The following TNC variants were observed in gnomAD, a reference collection of about 807,000 sequenced individuals.
The protein encoded by TNC is tenascin.
A neutral mutation model predicts 202.4 loss-of-function variants in TNC; 109 were observed. That is an observed-to-expected ratio of 0.54 (90% CI 0.46 to 0.63). The LOEUF (loss-of-function observed/expected upper bound fraction) is 0.63. TNC is among the 30% of genes least tolerant of loss of function. The pLI is 0.00. For missense variants in TNC, 2,756 were observed against 2,833.3 expected (o/e 0.97, Z 0.62); for synonymous variants, 1,007 against 1,089.7 (o/e 0.92, Z 1.50).
intron 15 of TNC, among the ~76,000 whole-genome samples, chr9:115,051,945 T>C (rs1831705590): frequency 6.6e-6 from 1 of 152,010 alleles, no homozygotes; most frequent in Non-Finnish European, 1.5e-5. Flanking sequence ...GAAGTTTACA[T>C]ATATTATCTT....
Position 115,091,070 on chromosome 9 carries a change from T to C in TNC, c.-52A>G. 1 of 1,470,170 alleles carries C rather than the reference T, an allele frequency of 6.8e-7. No individual in the cohort carries two copies. The highest frequency in any genetic ancestry group is 9.3e-7 in the Non-Finnish European group (1 of 1,070,812). 91.1% of individuals were successfully genotyped at this position (1,470,170 alleles called of 1,614,324 possible). The stretch of plus-strand genomic sequence containing the variant: ...GCTGGGGCTCTAGGGCTCTAGGGTA[T>C]CTCACTTTCAGCAGAATTGGGGATT... On this transcript the variant is annotated 5_prime_UTR_variant, in exon 2 of 28. Coordinates refer to ENST00000350763, the MANE Select transcript of TNC (RefSeq NM_002160.4).
rs958971198 is a variant in TNC at position 115,041,309 on chromosome 9, C to CGGG, written c.5249-228_5249-226dup. On this transcript the variant is annotated intron_variant, in intron 18 of 27. Transcript: ENST00000350763. The stretch of plus-strand genomic sequence containing the variant: ...ATGCCAAAAACAAAGCCAGGAGGGG[C>CGGG]GGGGGAAAACATGAAGTCACAACGT... Among the ~76,000 whole-genome samples the CGGG allele has an allele frequency of 1.5e-4, 20 of 132,386 alleles. No individual in the cohort carries two copies. In the East Asian group the frequency reaches 2.2e-3, roughly 15 times the overall value. The allele number at this position is 132,386 out of a possible 152,430, so 86.9% of individuals were successfully genotyped here.
chr9:115,091,400 A>G (rs1466983299), intron 1 of TNC, among the ~76,000 whole-genome samples: 2 of 152,334 alleles, frequency 1.3e-5, no homozygotes, highest in East Asian at 3.9e-4. Flanking sequence ...GAAAAAGGTA[A>G]AATATTGAAA....
intron 17 of TNC, among the ~76,000 whole-genome samples, chr9:115,044,264 A>G (rs1006077532): frequency 4.5e-4 from 40 of 88,612 alleles, no homozygotes; most frequent in African/African-American, 1.7e-3. Flanking sequence ...GAAAGGATTA[A>G]AAAAAAAAAA....
At chr9:115,088,311 A>C (rs1432058578) in intron 2 of TNC, among the ~76,000 whole-genome samples, 1 of 152,200 alleles carries the variant, frequency 6.6e-6, no homozygotes, top group Non-Finnish European at 1.5e-5. Flanking sequence ...GTGGGTTTAT[A>C]TAACCAAAAC....
chr9:115,053,534 TG>T (rs1196149116), intron 15 of TNC, among the ~76,000 whole-genome samples: 5 of 152,272 alleles, frequency 3.3e-5, no homozygotes, highest in Non-Finnish European at 7.3e-5. Flanking sequence ...TGTTTAATTT[TG>T]TTTGGCCCAA....
Position 115,029,429 on chromosome 9 carries a change from C to A in TNC, c.6100G>T (p.Glu2034Ter). Reference sequence around the variant, plus strand: ...GCCTTCCAGTTTTGGTAGAAGTTCTCGCGTCCGTTTTTGCGTCTCAGGAAC... The same window carrying A: ...GCCTTCCAGTTTTGGTAGAAGTTCTAGCGTCCGTTTTTGCGTCTCAGGAAC... ...IVFLRRKNGRENFYQNWKAYA... is the reference protein window; with the variant it reads ...IVFLRRKNGR The change falls in exon 25 of 28, where the codon GAG becomes TAG. Residue 2034 changes from glutamate (E) to a stop codon, truncating the protein, a stop_gained. Coordinates refer to ENST00000350763, the MANE Select transcript of TNC (RefSeq NM_002160.4). LOFTEE classifies it high-confidence loss of function. 1 of 1,614,088 alleles carries A rather than the reference C, an allele frequency of 6.2e-7. No individual in the cohort carries two copies. Among genetic ancestry groups the A allele is most frequent in the Non-Finnish European group, 8.5e-7 (1 of 1,180,002 alleles).
At chr9:115,031,101 T>C (rs1414179642) in intron 23 of TNC, among the ~76,000 whole-genome samples, 1 of 152,210 alleles carries the variant, frequency 6.6e-6, no homozygotes, top group Non-Finnish European at 1.5e-5. Context: ...TTGTAAACAC[T>C]GGCATGATGA....
intron 6 of TNC, among the ~76,000 whole-genome samples, chr9:115,080,633 G>A (rs1834233087): frequency 6.6e-6 from 1 of 152,178 alleles, no homozygotes; most frequent in African/African-American, 2.4e-5. Context: ...AATTGCAGCT[G>A]TGCACGGTGG....
Position 115,026,674 on chromosome 9 carries a change from ATTTTG to A in TNC, c.6186_6190del (p.Lys2063HisfsTer24), listed in dbSNP as rs1442548061. On this transcript the variant is annotated frameshift_variant, in exon 26 of 28. Coordinates refer to ENST00000350763, the MANE Select transcript of TNC (RefSeq NM_002160.4). LOFTEE classifies it high-confidence loss of function. ...GAGCTCGTACTGCCCCTGGGCTGTGATTTTGTTCAGGTTGTCCAGCCCTGTGGATG... is the reference window on the plus strand; with the variant it reads ...GAGCTCGTACTGCCCCTGGGCTGTGATTCAGGTTGTCCAGCCCTGTGGATG... The A allele has an allele frequency of 1.2e-6, 2 of 1,613,786 alleles. No individual in the cohort carries two copies. Among genetic ancestry groups the A allele is most frequent in the Non-Finnish European group, 1.7e-6 (2 of 1,179,928 alleles).
At chr9:115,117,241 C>G (rs1415189447) in intron 1 of TNC, among the ~76,000 whole-genome samples, 1 of 152,104 alleles carries the variant, frequency 6.6e-6, no homozygotes, top group East Asian at 1.9e-4. Flanking sequence ...CCAAAGTACA[C>G]CAGGGGCAGC....
intron 1 of TNC, among the ~76,000 whole-genome samples, chr9:115,101,121 GAGT>G (rs1402753415): frequency 2.6e-5 from 4 of 152,102 alleles, no homozygotes; most frequent in Admixed American, 2.0e-4. Context: ...GCCAAGCCCT[GAGT>G]TAAGTATAAA....
chr9:115,092,466 A>G (rs1835302255), intron 1 of TNC, among the ~76,000 whole-genome samples: 2 of 152,248 alleles, frequency 1.3e-5, no homozygotes, highest in Non-Finnish European at 2.9e-5. Flanking sequence ...AAACAATGCT[A>G]TGGAGGCATG....
At chr9:115,103,457 C>T (rs1836387714) in intron 1 of TNC, among the ~76,000 whole-genome samples, 1 of 151,956 alleles carries the variant, frequency 6.6e-6, no homozygotes, top group Admixed American at 6.6e-5. Context: ...GATACTTGGC[C>T]TCTTATGAGG....
At chr9:115,041,929 A>G (rs1470004935) in intron 18 of TNC, among the ~76,000 whole-genome samples, 1 of 152,254 alleles carries the variant, frequency 6.6e-6, no homozygotes, top group Non-Finnish European at 1.5e-5. Flanking sequence ...CAATATATTT[A>G]GAATCTTTTG....
intron 1 of TNC, among the ~76,000 whole-genome samples, chr9:115,103,102 C>A (rs1345364838): frequency 6.6e-6 from 1 of 152,144 alleles, no homozygotes; most frequent in Non-Finnish European, 1.5e-5. Flanking sequence ...TTCCAGACAC[C>A]ACACTAAGTG....
intron 15 of TNC, chr9:115,052,691 A>G (rs1428055915): frequency 1.5e-6 from 1 of 659,972 alleles, no homozygotes; most frequent in Middle Eastern, 2.6e-4. Context: ...AAGATGACTT[A>G]TCTCCTTTTC....
intron 1 of TNC, among the ~76,000 whole-genome samples, chr9:115,117,655 A>G (rs1163236453): frequency 6.6e-6 from 1 of 152,234 alleles, no homozygotes; most frequent in East Asian, 1.9e-4. Flanking sequence ...TAAAAGATAT[A>G]TACAGGTGAA....
At chr9:115,077,077 T>C (rs961459247) in intron 7 of TNC, among the ~76,000 whole-genome samples, 1 of 152,054 alleles carries the variant, frequency 6.6e-6, no homozygotes, top group Non-Finnish European at 1.5e-5. Context: ...ATTTATTTTT[T>C]TGAGACGGAG....
Sources: allele counts gnomAD v4.1 joint callset (sites outside exome capture counted in the v4.1 genomes callset), GRCh38; gene constraint gnomAD v4.1.1; transcripts MANE v1.5; gene names NCBI Gene and HGNC (gene_info 2026-07-23, HGNC 2026-07-21).